The following PXDNL variants were observed in gnomAD, a reference collection of about 807,000 sequenced individuals.
PXDNL encodes the protein peroxidasin like.
Under a neutral mutation model 150.8 loss-of-function variants are expected in PXDNL, and 145 were observed. That is an observed-to-expected ratio of 0.96 (90% CI 0.84 to 1.10). PXDNL has a LOEUF of 1.10. Ranked by LOEUF, PXDNL falls within the 50% of genes least tolerant of loss-of-function variation. The pLI, the probability that PXDNL is intolerant of heterozygous loss-of-function variation, is 0.00. For missense variants in PXDNL, 2,087 were observed against 1,873.9 expected, an observed-to-expected ratio of 1.11 and a Z score of -2.10; for synonymous variants, 757 against 725.7, an observed-to-expected ratio of 1.04 and a Z score of -0.69.
chr8:51,602,149 A>C (rs1813737986), intron 2 of PXDNL, among the ~76,000 whole-genome samples: 3 of 151,772 alleles, frequency 2.0e-5, no homozygotes. Context: ...TCTGGTGACT[A>C]TACGCCTTGG....
At chr8:51,330,760 A>G (rs1198535394) in intron 21 of PXDNL, among the ~76,000 whole-genome samples, 2 of 152,206 alleles carry the variant, frequency 1.3e-5, no homozygotes, top group African/African-American at 4.8e-5. Flanking sequence ...TCACATGCAA[A>G]ATAATCAATT....
At chr8:51,605,096 A>C (rs1237225265) in intron 2 of PXDNL, among the ~76,000 whole-genome samples, 2 of 152,176 alleles carry the variant, frequency 1.3e-5, no homozygotes, top group Non-Finnish European at 2.9e-5. Context: ...GCAGCTAGTA[A>C]TTTTGTATTT....
intron 2 of PXDNL, among the ~76,000 whole-genome samples, chr8:51,639,549 T>G (rs201280952): frequency 2.6e-5 from 4 of 151,980 alleles, no homozygotes; most frequent in African/African-American, 9.7e-5. Flanking sequence ...GAAATACAAA[T>G]TACCATCAGA....
chr8:51,402,439 A>C (rs913329748), intron 17 of PXDNL, among the ~76,000 whole-genome samples: 11 of 151,938 alleles, frequency 7.2e-5, no homozygotes, highest in African/African-American at 2.7e-4. Flanking sequence ...GAATCACTTG[A>C]ATCTTGGAGG....
chr8:51,357,724 A>G (rs1161182105), intron 19 of PXDNL, among the ~76,000 whole-genome samples: 1 of 152,178 alleles, frequency 6.6e-6, no homozygotes, highest in Non-Finnish European at 1.5e-5. Context: ...AGGATCCCTG[A>G]CTTTTTTTGG....
At chr8:51,640,077 A>C (rs568064906) in intron 2 of PXDNL, among the ~76,000 whole-genome samples, 4 of 152,376 alleles carry the variant, frequency 2.6e-5, no homozygotes, top group Admixed American at 2.6e-4. Context: ...GTAATCCAGC[A>C]TAGAAACAGA....
chr8:51,395,745 T>C (rs1357862235), intron 17 of PXDNL, among the ~76,000 whole-genome samples: 3 of 152,156 alleles, frequency 2.0e-5, no homozygotes, highest in African/African-American at 7.2e-5. Context: ...AGGAAATAAA[T>C]GGCTATGTTC....
At chr8:51,502,668 T>G (rs1402291855) in intron 4 of PXDNL, among the ~76,000 whole-genome samples, 2 of 64,406 alleles carry the variant, frequency 3.1e-5, no homozygotes, top group African/African-American at 1.9e-4. Context: ...GTAGAAGTGT[T>G]TTTTTTTTTC....
At chr8:51,558,887 A>G (rs1295073216) in intron 3 of PXDNL, among the ~76,000 whole-genome samples, 1 of 152,068 alleles carries the variant, frequency 6.6e-6, no homozygotes, top group African/African-American at 2.4e-5. Flanking sequence ...TGCAGCAGAG[A>G]AAGAGTTTAA....
chr8:51,496,984 C>T lies in PXDNL; in HGVS notation c.452+2715G>A, dbSNP rs200466765. The stretch of plus-strand genomic sequence containing the variant: ...AAGAGCCCGGATTGCCAAGTCAATC[C>T]TAAGCCAAAAGAACAAAGCTGGAGG... On this transcript the variant is annotated intron_variant, in intron 5 of 22. Transcript: ENST00000356297. Among the ~76,000 whole-genome samples the T allele has an allele frequency of 1.1e-4, 17 of 152,250 alleles. No homozygotes were observed. In the East Asian group the frequency reaches 3.1e-3, roughly 28 times the overall value.
chr8:51,368,984 C>A (rs1418199504), intron 19 of PXDNL, among the ~76,000 whole-genome samples: 1 of 151,876 alleles, frequency 6.6e-6, no homozygotes, highest in Non-Finnish European at 1.5e-5. Flanking sequence ...CAACAGAGCA[C>A]AACTCTGTTT....
chr8:51,451,068 G>C (rs368044194), intron 10 of PXDNL, among the ~76,000 whole-genome samples: 1 of 151,566 alleles, frequency 6.6e-6, no homozygotes, highest in Non-Finnish European at 1.5e-5. Flanking sequence ...TCTAGTGTTG[G>C]GAAATTTGAT....
At chr8:51,403,765 T>C (rs766363726) in intron 17 of PXDNL, among the ~76,000 whole-genome samples, 3 of 152,170 alleles carry the variant, frequency 2.0e-5, no homozygotes, top group Admixed American at 2.0e-4. Flanking sequence ...TCATCTCCGA[T>C]GTTATGGTAT....
At chr8:51,735,013 T>C (rs1401532943) in intron 1 of PXDNL, among the ~76,000 whole-genome samples, 1 of 152,194 alleles carries the variant, frequency 6.6e-6, no homozygotes, top group Non-Finnish European at 1.5e-5. Flanking sequence ...TAACAACATA[T>C]ATTCTTGAAA....
chr8:51,338,743 T>A (rs1476233835), intron 21 of PXDNL, among the ~76,000 whole-genome samples: 2 of 152,242 alleles, frequency 1.3e-5, no homozygotes, highest in Admixed American at 6.5e-5. Context: ...GTCTTTTCCT[T>A]CTTGTTGATT....
At chr8:51,490,901 T>C (rs1161227026) in intron 5 of PXDNL, among the ~76,000 whole-genome samples, 3 of 152,090 alleles carry the variant, frequency 2.0e-5, no homozygotes, top group Non-Finnish European at 2.9e-5. Context: ...TTTGATTGGA[T>C]TGAAGGCTGC....
intron 5 of PXDNL, among the ~76,000 whole-genome samples, chr8:51,486,786 A>ATATT (rs1810766130): frequency 4.2e-5 from 1 of 23,560 alleles, no homozygotes; most frequent in African/African-American, 1.6e-4. Context: ...ATATATATAT[A>ATATT]TATATATATT....
chr8:51,697,275 G>A (rs948007908), intron 1 of PXDNL, among the ~76,000 whole-genome samples: 1 of 151,136 alleles, frequency 6.6e-6, no homozygotes, highest in African/African-American at 2.4e-5. Context: ...CTGCATTCCA[G>A]CCTGGGCGAC....
intron 2 of PXDNL, among the ~76,000 whole-genome samples, chr8:51,640,263 A>T (rs1814717604): frequency 6.6e-6 from 1 of 152,048 alleles, no homozygotes; most frequent in Non-Finnish European, 1.5e-5. Context: ...AATGGGCAAA[A>T]ACTGGAAGCA....
Sources: allele counts gnomAD v4.1 joint callset (sites outside exome capture counted in the v4.1 genomes callset), GRCh38; gene constraint gnomAD v4.1.1; transcripts MANE v1.5; gene names NCBI Gene and HGNC (gene_info 2026-07-23, HGNC 2026-07-21).